Variants in CEP85L observed in about 807,000 individuals in gnomAD.
CEP85L encodes the protein centrosomal protein of 85 kDa-like.
CEP85L carries 60 observed loss-of-function variants against 100.3 expected under a neutral mutation model. The ratio of observed to expected loss-of-function variants is 0.60; its 90% confidence interval spans 0.49 to 0.74. The LOEUF (loss-of-function observed/expected upper bound fraction) is 0.74. Among genes scored for constraint, CEP85L ranks in the 30% least tolerant of loss-of-function variants. The pLI, the probability that CEP85L is intolerant of heterozygous loss-of-function variation, is 0.00. For missense variants in CEP85L, 973 were observed against 936.2 expected (o/e 1.04, Z -0.51); for synonymous variants, 319 against 322.7 (o/e 0.99, Z 0.12).
rs45498103 is a variant in CEP85L at position 118,632,407 on chromosome 6, C to T, written c.232+46G>A. 13,263 of 1,448,460 alleles carry T rather than the reference C, an allele frequency of 9.2e-3. 90 individuals are homozygous for T. Among genetic ancestry groups the T allele is most frequent in the Non-Finnish European group, 0.012 (12,583 of 1,072,314 alleles). The allele number at this position is 1,448,460 out of a possible 1,614,324, so 89.7% of individuals were successfully genotyped here. A position where few individuals can be genotyped will look rare whatever the true frequency, so the allele number is the denominator to read the frequency against. The stretch of plus-strand genomic sequence containing the variant: ...TCCCCTGAAAATTCTTGTACCACAA[C>T]CACTCTTCAAAGATTCATATATAAA... On this transcript the variant is annotated intron_variant, in intron 2 of 12. Coordinates refer to ENST00000368491, the MANE Select transcript of CEP85L (RefSeq NM_001042475.3).
At chr6:118,534,568 G>A (rs1430214378) in intron 3 of CEP85L, among the ~76,000 whole-genome samples, 5 of 152,076 alleles carry the variant, frequency 3.3e-5, no homozygotes, top group Non-Finnish European at 2.9e-5. Flanking sequence ...CAGGAGAATC[G>A]CTTGAACCCA....
intron 5 of CEP85L, among the ~76,000 whole-genome samples, chr6:118,501,097 G>A (rs79934729): frequency 0.022 from 3,307 of 152,194 alleles, 51 homozygotes; most frequent in South Asian, 0.047. Context: ...CTTTGAAGAG[G>A]CTGGAGCAGT....
chr6:118,559,164 A>G (rs1583048256), intron 3 of CEP85L: 8 of 974,426 alleles, frequency 8.2e-6, no homozygotes, highest in South Asian at 5.1e-5. Context: ...ACAATATTGT[A>G]TAACAGACCA....
At chr6:118,572,005 C>A (rs898605933) in intron 2 of CEP85L, among the ~76,000 whole-genome samples, 1 of 151,816 alleles carries the variant, frequency 6.6e-6, no homozygotes, top group Non-Finnish European at 1.5e-5. Flanking sequence ...TACAGGCAAG[C>A]ACCACCACAC....
intron 5 of CEP85L, among the ~76,000 whole-genome samples, chr6:118,506,952 C>T (rs1775695142): frequency 6.6e-6 from 1 of 152,112 alleles, no homozygotes; most frequent in African/African-American, 2.4e-5. Context: ...TAAAATGCTG[C>T]TGTTTCCTGT....
At chr6:118,625,999 A>G (rs1773765521) in intron 2 of CEP85L, among the ~76,000 whole-genome samples, 1 of 152,152 alleles carries the variant, frequency 6.6e-6, no homozygotes, top group African/African-American at 2.4e-5. Context: ...CTGGAGGACA[A>G]TACAACAGCA....
intron 2 of CEP85L, among the ~76,000 whole-genome samples, chr6:118,626,176 T>G (rs772773328): frequency 7.2e-5 from 11 of 152,192 alleles, no homozygotes; most frequent in Non-Finnish European, 1.6e-4. Flanking sequence ...ACTCATTTCC[T>G]GCATCAGGAC....
chr6:118,520,704 G>A (rs1260989308), intron 4 of CEP85L, among the ~76,000 whole-genome samples: 3 of 151,946 alleles, frequency 2.0e-5, no homozygotes, highest in Admixed American at 6.6e-5. Context: ...CAGCCTTCCC[G>A]CCTCCAGTAA....
At position 118,701,887 on chromosome 6, in the gene CEP85L, G is replaced by A. The variant is rs182439964; in HGVS notation, c.-28+8149C>T. Among the ~76,000 whole-genome samples, 8 of 152,238 alleles carry A rather than the reference G, an allele frequency of 5.3e-5. No individual in the cohort carries two copies. In the East Asian group the frequency reaches 1.4e-3, roughly 26 times the overall value. ...CATTTACTCCTATACATAAGGATAG[G>A]TCAAATGCCTGAATAAAATTGGGGT... On this transcript the variant is annotated intron_variant, in intron 1 of 13. Transcript: ENST00000368488.
chr6:118,663,678 C>T (rs1278492087), intron 1 of CEP85L, among the ~76,000 whole-genome samples: 1 of 152,076 alleles, frequency 6.6e-6, no homozygotes, highest in Non-Finnish European at 1.5e-5. Context: ...TGGAAAACTA[C>T]AGTTGTCCAT....
At chr6:118,643,489 A>G (rs1056170050) in intron 1 of CEP85L, among the ~76,000 whole-genome samples, 6 of 152,214 alleles carry the variant, frequency 3.9e-5, no homozygotes, top group African/African-American at 1.4e-4. Flanking sequence ...TCTAAACTTT[A>G]ATACTAAAAA....
chr6:118,565,843 T>C lies in CEP85L; in HGVS notation c.706A>G (p.Ser236Gly), dbSNP rs1779468220. Reference protein sequence around the residue: ...LDCKYKFESCSKEDFRASSST... With the variant: ...LDCKYKFESCGKEDFRASSST... Reference sequence around the variant, plus strand: ...GAAGAGGCTCTAAAGTCCTCCTTGCTACAGCTCTCAAATTTATACTTGCAG... The same window carrying C: ...GAAGAGGCTCTAAAGTCCTCCTTGCCACAGCTCTCAAATTTATACTTGCAG... The change falls in exon 3 of 13, where the codon AGC (serine) becomes GGC (glycine). Residue 236 changes from serine (S) to glycine (G), a missense_variant. Physicochemically the swap from Ser to Gly is moderately conservative, Grantham distance 56. Coordinates refer to ENST00000368491, the MANE Select transcript of CEP85L (RefSeq NM_001042475.3). The C allele has an allele frequency of 1.2e-6, 2 of 1,613,966 alleles. No homozygotes were observed. The highest frequency in any genetic ancestry group is 1.6e-4 in the Middle Eastern group (1 of 6,084).
intron 3 of CEP85L, among the ~76,000 whole-genome samples, chr6:118,530,745 C>T (rs1777243250): frequency 6.6e-6 from 1 of 151,270 alleles, no homozygotes; most frequent in African/African-American, 2.4e-5. Context: ...GAACACAGTC[C>T]CATTGACAAT....
intron 2 of CEP85L, among the ~76,000 whole-genome samples, chr6:118,572,065 A>G (rs1241894203): frequency 2.0e-5 from 3 of 152,046 alleles, no homozygotes; most frequent in Non-Finnish European, 4.4e-5. Flanking sequence ...CATGTTGGTC[A>G]GGCTGGTCTC....
chr6:118,610,599 A>C (rs1426376539), intron 2 of CEP85L, among the ~76,000 whole-genome samples: 1 of 152,194 alleles, frequency 6.6e-6, no homozygotes, highest in African/African-American at 2.4e-5. Context: ...CTTATCCCTC[A>C]GGTATCAGCA....
rs573090260 is a variant in CEP85L at position 118,567,717 on chromosome 6, T to C, written c.233-1401A>G. 7.2e-5 allele frequency among the ~76,000 whole-genome samples: 11 copies of C among 152,290 alleles called. No individual in the cohort carries two copies. The South Asian group carries it at 1.0e-3, about 14-fold the overall frequency. ...ACTTATTACTTGTATTCTCTTACAT[T>C]GTCTTATGGAAAAAGTTATGTTGAT... On this transcript the variant is annotated intron_variant, in intron 2 of 12. Transcript: ENST00000368491.
At chr6:118,518,283 T>C (rs1014148854) in intron 4 of CEP85L, among the ~76,000 whole-genome samples, 3 of 152,232 alleles carry the variant, frequency 2.0e-5, no homozygotes, top group Non-Finnish European at 4.4e-5. Context: ...TTCTACTGTT[T>C]GAAATAGTTT....
chr6:118,466,648 TA>T (rs1179824930), intron 12 of CEP85L, among the ~76,000 whole-genome samples: 1 of 152,134 alleles, frequency 6.6e-6, no homozygotes, highest in Non-Finnish European at 1.5e-5. Context: ...TATCTAGCTC[TA>T]AAATGGTAGA....
chr6:118,485,204 C>T (rs1774090523), intron 6 of CEP85L, among the ~76,000 whole-genome samples: 1 of 152,134 alleles, frequency 6.6e-6, no homozygotes, highest in Non-Finnish European at 1.5e-5. Flanking sequence ...AACAATCTTC[C>T]AACCATTTAA....
Sources: gnomAD v4.1 joint callset for allele counts (sites outside exome capture counted in the v4.1 genomes callset) on GRCh38, gnomAD v4.1.1 for gene constraint, MANE v1.5 for transcripts, NCBI Gene and HGNC (gene_info 2026-07-23, HGNC 2026-07-21) for gene names.